The following DSCAML1 variants were observed in gnomAD, a reference collection of about 807,000 sequenced individuals.
DSCAML1 encodes the protein cell adhesion molecule DSCAML1.
Under a neutral mutation model 200.5 loss-of-function variants are expected in DSCAML1, and 38 were observed. The ratio of observed to expected loss-of-function variants is 0.19; its 90% CI spans 0.15 to 0.25. The LOEUF (loss-of-function observed/expected upper bound fraction) is 0.25, where lower values mean the gene tolerates loss of function less well. Among genes scored for constraint, DSCAML1 ranks in the 10% least tolerant of loss-of-function variants. DSCAML1 has a pLI of 1.00. For missense variants in DSCAML1, 2,223 were observed against 2,858.8 expected, an observed-to-expected ratio of 0.78 and a Z score of 5.07; for synonymous variants, 1,215 against 1,165.0, an observed-to-expected ratio of 1.04 and a Z score of -0.87.
chr11:117,672,967 A>T (rs1002578487), intron 3 of DSCAML1, among the ~76,000 whole-genome samples: 1 of 151,902 alleles, frequency 6.6e-6, no homozygotes, highest in Non-Finnish European at 1.5e-5. Context: ...TCAAGTGGAA[A>T]CTCCTCCAGG....
At chr11:117,707,503 C>T (rs1043129609) in intron 3 of DSCAML1, among the ~76,000 whole-genome samples, 1 of 152,124 alleles carries the variant, frequency 6.6e-6, no homozygotes, top group Non-Finnish European at 1.5e-5. Context: ...AGGCAGACCC[C>T]TGCTTAACCC....
chr11:117,767,153 G>T (rs181860962), intron 3 of DSCAML1, among the ~76,000 whole-genome samples: 1 of 152,128 alleles, frequency 6.6e-6, no homozygotes, highest in South Asian at 2.1e-4. Flanking sequence ...GATGCCGGCC[G>T]CAGGGCACAG....
intron 3 of DSCAML1, among the ~76,000 whole-genome samples, chr11:117,622,962 T>C (rs1338354388): frequency 6.6e-6 from 1 of 152,192 alleles, no homozygotes; most frequent in Non-Finnish European, 1.5e-5. Context: ...CTGGGCAGGC[T>C]AGGGTAGCCA....
intron 3 of DSCAML1, among the ~76,000 whole-genome samples, chr11:117,586,761 G>C (rs1391326320): frequency 6.6e-6 from 1 of 152,212 alleles, no homozygotes; most frequent in Non-Finnish European, 1.5e-5. Flanking sequence ...GCAATACAAA[G>C]ATTCCTTAAG....
At chr11:117,555,756 A>T (rs1176488191) in intron 3 of DSCAML1, among the ~76,000 whole-genome samples, 1 of 152,074 alleles carries the variant, frequency 6.6e-6, no homozygotes, top group Non-Finnish European at 1.5e-5. Flanking sequence ...GCCTGTGCAT[A>T]GGTGGTGGCT....
intron 3 of DSCAML1, among the ~76,000 whole-genome samples, chr11:117,687,292 G>T (rs1474091480): frequency 6.6e-6 from 1 of 152,074 alleles, no homozygotes; most frequent in Non-Finnish European, 1.5e-5. Context: ...ACAAGATCTC[G>T]CTCTGTAACC....
chr11:117,605,517 C>T (rs1355378237), intron 3 of DSCAML1, among the ~76,000 whole-genome samples: 1 of 152,216 alleles, frequency 6.6e-6, no homozygotes, highest in African/African-American at 2.4e-5. Context: ...GGCCAACTTT[C>T]ATTTACTCTG....
chr11:117,471,655 T>C (rs2048687799), intron 15 of DSCAML1, among the ~76,000 whole-genome samples: 1 of 142,996 alleles, frequency 7.0e-6, no homozygotes, highest in Non-Finnish European at 1.5e-5. Flanking sequence ...CCACAGATAG[T>C]TCCCCCAAAC....
At chr11:117,444,305 G>C (rs745655561) in intron 20 of DSCAML1, among the ~76,000 whole-genome samples, 1 of 152,218 alleles carries the variant, frequency 6.6e-6, no homozygotes, top group Non-Finnish European at 1.5e-5. Context: ...TCTGGCAGCT[G>C]TGGCTCAGGC....
chr11:117,648,204 A>G (rs1162570158), intron 3 of DSCAML1, among the ~76,000 whole-genome samples: 1 of 152,130 alleles, frequency 6.6e-6, no homozygotes, highest in African/African-American at 2.4e-5. Context: ...TGGAAAGCAG[A>G]CCTGGTTTTT....
chr11:117,653,349 C>G (rs548546524), intron 3 of DSCAML1, among the ~76,000 whole-genome samples: 1 of 152,292 alleles, frequency 6.6e-6, no homozygotes, highest in East Asian at 1.9e-4. Context: ...CAGCACTGGT[C>G]TTTAGTCAAG....
intron 3 of DSCAML1, among the ~76,000 whole-genome samples, chr11:117,675,754 G>T (rs1004353201): frequency 4.6e-5 from 7 of 152,050 alleles, no homozygotes; most frequent in Non-Finnish European, 1.0e-4. Flanking sequence ...TCTTGTTGGC[G>T]TAAAGGCCGG....
chr11:117,754,528 C>T (rs774281138), intron 3 of DSCAML1, among the ~76,000 whole-genome samples: 1 of 152,180 alleles, frequency 6.6e-6, no homozygotes, highest in South Asian at 2.1e-4. Context: ...AATGGACGCA[C>T]TCTCATAGAG....
chr11:117,481,592 G>C (rs1432160294), intron 12 of DSCAML1, among the ~76,000 whole-genome samples: 1 of 124,158 alleles, frequency 8.1e-6, no homozygotes, highest in East Asian at 2.7e-4. Flanking sequence ...CTGAGGGGGG[G>C]GTCCAGGAGA....
intron 20 of DSCAML1, among the ~76,000 whole-genome samples, chr11:117,446,356 C>G (rs1343889949): frequency 6.7e-6 from 1 of 148,704 alleles, no homozygotes; most frequent in Non-Finnish European, 1.5e-5. Flanking sequence ...AAGAGTGAAA[C>G]TCTGTCTCAA....
intron 23 of DSCAML1, 32 bp downstream of exon 23, chr11:117,439,234 C>G: frequency 1.2e-6 from 2 of 1,611,472 alleles, no homozygotes; most frequent in Non-Finnish European, 1.7e-6. Context: ...TCCCTGTCCC[C>G]ACCTGGGGTC....
intron 3 of DSCAML1, 43 bp downstream of exon 3, chr11:117,776,748 G>T (rs771682823): frequency 1.2e-6 from 2 of 1,612,298 alleles, no homozygotes; most frequent in South Asian, 2.2e-5. Flanking sequence ...AGTCCCCACA[G>T]AGGGAGCACC....
intron 1 of DSCAML1, among the ~76,000 whole-genome samples, chr11:117,816,808 G>GGC (rs1555038479): frequency 0.03 from 3,883 of 128,152 alleles, 93 homozygotes; most frequent in East Asian, 0.091. Flanking sequence ...TGGGGGGGTG[G>GGC]GGTGGAGATT....
rs557020517 is a variant in DSCAML1, at chr11:117,456,088, A to G, written c.3568+2666T>C. On this transcript the variant is annotated intron_variant, in intron 19 of 32. Coordinates refer to ENST00000651296, the MANE Select transcript of DSCAML1 (RefSeq NM_020693.4). ...CCACTCTGACCAATGGGAAATGAGG[A>G]TAAGTCTGTTGAGGGGGTTTCTGGG... Among the ~76,000 whole-genome samples the G allele has an allele frequency of 1.5e-3, 225 of 152,300 alleles. 1 individual carries two copies. Among genetic ancestry groups the G allele is most frequent in the African/African-American group, 5.0e-3 (206 of 41,574 alleles).
Sources: allele counts gnomAD v4.1 joint callset (sites outside exome capture counted in the v4.1 genomes callset), GRCh38; gene constraint gnomAD v4.1.1; transcripts MANE v1.5; gene names NCBI Gene and HGNC (gene_info 2026-07-23, HGNC 2026-07-21).